Variants in TAS2R1 observed in about 807,000 individuals in gnomAD.
TAS2R1 encodes the protein taste receptor type 2 member 1.
For synonymous variants in TAS2R1, 141 were observed against 134.2 expected, an observed-to-expected ratio of 1.05 and a Z score of -0.35; for missense variants, 370 against 353.4, an observed-to-expected ratio of 1.05 and a Z score of -0.38.
the TAS2R1 span, among the ~76,000 whole-genome samples, chr5:9,818,429 A>G: frequency 2.6e-5 from 4 of 152,146 alleles, no homozygotes; most frequent in African/African-American, 4.8e-5. Flanking sequence ...CTTTTGCTGC[A>G]TAATTAAACA....
chr5:9,717,638 C>A, the TAS2R1 span, among the ~76,000 whole-genome samples: 1 of 150,782 alleles, frequency 6.6e-6, no homozygotes, highest in African/African-American at 2.4e-5. Flanking sequence ...GTGGCACTGG[C>A]ACATGAATAG....
the TAS2R1 span, among the ~76,000 whole-genome samples, chr5:9,738,669 G>C: frequency 6.6e-6 from 1 of 152,078 alleles, no homozygotes; most frequent in East Asian, 1.9e-4. Flanking sequence ...GGTAGTGATG[G>C]GGAATAGCAG....
At chr5:9,839,135 G>C in the TAS2R1 span, among the ~76,000 whole-genome samples, 1 of 152,244 alleles carries the variant, frequency 6.6e-6, no homozygotes, top group Admixed American at 6.5e-5. Flanking sequence ...AGAGGGCTCT[G>C]TGCTCAGCTC....
chr5:9,687,239 G>T (rs946744303), intron 1 of TAS2R1, among the ~76,000 whole-genome samples: 1 of 152,112 alleles, frequency 6.6e-6, no homozygotes, highest in African/African-American at 2.4e-5. Context: ...CAAAGTGCTG[G>T]GATTACAGGC....
the TAS2R1 span, among the ~76,000 whole-genome samples, chr5:9,800,867 G>T: frequency 6.6e-6 from 1 of 152,204 alleles, no homozygotes; most frequent in South Asian, 2.1e-4. Flanking sequence ...GGCCCTTGGG[G>T]TAGAGCCCCC....
At chr5:9,772,800 A>G in the TAS2R1 span, among the ~76,000 whole-genome samples, 1,256 of 152,204 alleles carry the variant, frequency 8.3e-3, 16 homozygotes, top group African/African-American at 0.029. Context: ...TTTGTCTGAT[A>G]TAAGTATAGC....
At chr5:9,794,343 G>A in the TAS2R1 span, among the ~76,000 whole-genome samples, 4 of 152,090 alleles carry the variant, frequency 2.6e-5, no homozygotes, top group African/African-American at 7.2e-5. Flanking sequence ...TTGGTTTATT[G>A]TAAGTCTATC....
intron 1 of TAS2R1, among the ~76,000 whole-genome samples, chr5:9,662,991 G>A (rs919638221): frequency 6.6e-6 from 1 of 151,456 alleles, no homozygotes; most frequent in Non-Finnish European, 1.5e-5. Context: ...TGGTAGTTAG[G>A]GCTGTTCTCA....
At chr5:9,886,302 G>A in the TAS2R1 span, among the ~76,000 whole-genome samples, 1 of 149,066 alleles carries the variant, frequency 6.7e-6, no homozygotes, top group Non-Finnish European at 1.5e-5. Context: ...AAAGTGCTGG[G>A]ATTACAGGTG....
chr5:9,735,070 C>T, the TAS2R1 span, among the ~76,000 whole-genome samples: 14 of 151,194 alleles, frequency 9.3e-5, no homozygotes, highest in Admixed American at 2.6e-4. Flanking sequence ...GAAGCAGGCG[C>T]GTCTTCACGT....
intron 2 of TAS2R1, among the ~76,000 whole-genome samples, chr5:9,645,825 C>T (rs1740175649): frequency 6.6e-6 from 1 of 152,064 alleles, no homozygotes; most frequent in South Asian, 2.1e-4. Flanking sequence ...CAAAAGTGCC[C>T]AGAAAAGAGA....
intron 1 of TAS2R1, among the ~76,000 whole-genome samples, chr5:9,709,633 T>A (rs1042899444): frequency 6.6e-6 from 1 of 152,138 alleles, no homozygotes; most frequent in African/African-American, 2.4e-5. Context: ...GGACAGCCAC[T>A]GCCACATTTT....
chr5:9,725,816 C>A, the TAS2R1 span, among the ~76,000 whole-genome samples: 17 of 152,348 alleles, frequency 1.1e-4, no homozygotes, highest in East Asian at 3.3e-3. Flanking sequence ...ACGTGGAGAA[C>A]CTTTATGTCT....
chr5:9,828,849 T>C, the TAS2R1 span, among the ~76,000 whole-genome samples: 1 of 152,238 alleles, frequency 6.6e-6, no homozygotes, highest in South Asian at 2.1e-4. Flanking sequence ...AGAGAGATGA[T>C]ATGTCAACCT....
the TAS2R1 span, among the ~76,000 whole-genome samples, chr5:9,897,135 TAAAAC>T: frequency 1.3e-5 from 2 of 152,138 alleles, no homozygotes; most frequent in East Asian, 3.9e-4. Flanking sequence ...GAGGTTTTCT[TAAAAC>T]AAAACAAAAC....
chr5:9,639,144 C>T (rs1740024210), intron 2 of TAS2R1, among the ~76,000 whole-genome samples: 1 of 152,180 alleles, frequency 6.6e-6, no homozygotes, highest in Non-Finnish European at 1.5e-5. Flanking sequence ...AATTTGTGCC[C>T]AGTCAAAACC....
rs192501128 is a variant in TAS2R1, at chr5:9,669,951, T to C, written c.-241-10370A>G. 1.6e-3 allele frequency among the ~76,000 whole-genome samples: 246 copies of C among 151,974 alleles called. 1 individual carries two copies. Among genetic ancestry groups the C allele is most frequent in the African/African-American group, 5.8e-3 (240 of 41,462 alleles). On this transcript the variant is annotated intron_variant, in intron 1 of 2. Transcript: ENST00000506620. ...GAGACACAAAAAAACATATAAAAGA[T>C]CAAAGAATCTACAAATTGATTTTTT...
At chr5:9,676,478 A>G (rs1233608299) in intron 1 of TAS2R1, among the ~76,000 whole-genome samples, 1 of 152,222 alleles carries the variant, frequency 6.6e-6, no homozygotes, top group Non-Finnish European at 1.5e-5. Context: ...GAGTTTAACT[A>G]TGGAGCAAAT....
chr5:9,771,076 A>G, the TAS2R1 span, among the ~76,000 whole-genome samples: 1 of 152,150 alleles, frequency 6.6e-6, no homozygotes, highest in African/African-American at 2.4e-5. Flanking sequence ...GTTCTTCTAC[A>G]TCCAATTTTT....
Sources: gnomAD v4.1 joint callset for allele counts (sites outside exome capture counted in the v4.1 genomes callset) on GRCh38, gnomAD v4.1.1 for gene constraint, MANE v1.5 for transcripts, NCBI Gene and HGNC (gene_info 2026-07-23, HGNC 2026-07-21) for gene names.